The following NUP210L variants were observed in gnomAD, a reference collection of about 807,000 sequenced individuals.
NUP210L encodes nucleoporin 210 like.
Under a neutral mutation model 208.5 loss-of-function variants are expected in NUP210L, and 74 were observed. The observed-to-expected ratio is 0.35, with a 90% CI of 0.29 to 0.43. The LOEUF is 0.43. NUP210L is among the 20% of genes least tolerant of loss of function. The pLI, the probability that NUP210L is intolerant of heterozygous loss-of-function variation, is 1.00. For synonymous variants in NUP210L, 780 were observed against 816.9 expected (o/e 0.95, Z 0.77); for missense variants, 1,843 against 2,289.4 (o/e 0.81, Z 3.98).
chr1:154,088,331 A>C (rs942533090), intron 16 of NUP210L, among the ~76,000 whole-genome samples: 1 of 151,342 alleles, frequency 6.6e-6, no homozygotes, highest in Non-Finnish European at 1.5e-5. Flanking sequence ...CCTGTCTCAA[A>C]AAAAAAAAAA....
At chr1:154,093,916 C>T (rs1172654362) in intron 15 of NUP210L, among the ~76,000 whole-genome samples, 2 of 152,086 alleles carry the variant, frequency 1.3e-5, no homozygotes, top group East Asian at 3.9e-4. Flanking sequence ...TTTGGGAGGC[C>T]AAGGTGGGTG....
In NUP210L at chr1:154,139,788, C is replaced by A. The variant is rs1046386580; in HGVS notation, c.717+14G>T. 1.2e-6 allele frequency: 2 copies of A among 1,606,386 alleles called. No individual in the cohort carries two copies. The highest frequency in any genetic ancestry group is 4.5e-5 in the East Asian group (2 of 44,540). On this transcript the variant is annotated intron_variant, in intron 5 of 39. Transcript: ENST00000368559. ...AAACAAGTAAGGAAAATTTATAGCA[C>A]ACAAACTTTTTACCTTATAGAATGG...
chr1:154,125,578 C>T (rs1657853935), intron 10 of NUP210L, among the ~76,000 whole-genome samples: 1 of 145,524 alleles, frequency 6.9e-6, no homozygotes, highest in South Asian at 2.2e-4. Context: ...GCCATGAGTG[C>T]ACCACTGCAC....
Position 154,135,982 on chromosome 1 carries a change from A to G in NUP210L, c.851-10T>C. On this transcript the variant is annotated splice_polypyrimidine_tract_variant and intron_variant, in intron 6 of 39. Coordinates refer to ENST00000368559, the Ensembl canonical transcript of NUP210L. ...AGGGGAAATTTCACCTCTGTAAGAC[A>G]TGAAAGATACATAAATGTAATGACA... 6 of 1,578,036 alleles carry G rather than the reference A, an allele frequency of 3.8e-6. 1 individual carries two copies. Among genetic ancestry groups the G allele is most frequent in the Non-Finnish European group, 3.5e-6 (4 of 1,147,416 alleles).
intron 2 of NUP210L, among the ~76,000 whole-genome samples, chr1:154,145,411 C>T (rs764930784): frequency 4.6e-5 from 7 of 151,438 alleles, no homozygotes; most frequent in Admixed American, 4.6e-4. Flanking sequence ...GAGCGAGATT[C>T]CGTCTACAAA....
chr1:154,037,963 A>G (rs1652654941), intron 27 of NUP210L, among the ~76,000 whole-genome samples: 1 of 151,906 alleles, frequency 6.6e-6, no homozygotes, highest in Non-Finnish European at 1.5e-5. Flanking sequence ...TTTACATGCA[A>G]TGTTATTATT....
rs371164956 is a variant in NUP210L, at chr1:154,003,075, A to G, written c.4931-1090T>C. ...GCCCAGGCTGGAGTGCAGTGGTGCA[A>G]TTCTACCTCACTGCAGCCTTAAACT... On this transcript the variant is annotated intron_variant, in intron 35 of 39. Coordinates refer to ENST00000368559, the Ensembl canonical transcript of NUP210L. Among the ~76,000 whole-genome samples, 6 of 148,710 alleles carry G rather than the reference A, an allele frequency of 4.0e-5. No homozygotes were observed. The East Asian group carries it at 6.1e-4, about 15-fold the overall frequency.
Position 154,100,160 on chromosome 1 carries a change from ATGATTTT to A in NUP210L, c.1820-24_1820-18del. On this transcript the variant is annotated intron_variant, in intron 13 of 39. Coordinates refer to ENST00000368559, the Ensembl canonical transcript of NUP210L. ...TTTGAATACCTGTGAATCAAAAACCATGATTTTGGCAGGGCGTGGTGGCTCAGGCTTG... is the reference window on the plus strand; with the variant it reads ...TTTGAATACCTGTGAATCAAAAACCAGGCAGGGCGTGGTGGCTCAGGCTTG... 1 of 1,613,376 alleles carries A rather than the reference ATGATTTT, an allele frequency of 6.2e-7. No individual in the cohort carries two copies. The highest frequency in any genetic ancestry group is 8.5e-7 in the Non-Finnish European group (1 of 1,179,470).
At chr1:154,042,636 G>C (rs1037476909) in intron 27 of NUP210L, among the ~76,000 whole-genome samples, 2 of 149,590 alleles carry the variant, frequency 1.3e-5, no homozygotes, top group Non-Finnish European at 3.0e-5. Flanking sequence ...CACCATGTTA[G>C]CCAGGATGGT....
intron 9 of NUP210L, 87 bp downstream of exon 9, chr1:154,127,224 G>C (rs1658028151): frequency 2.0e-6 from 1 of 511,630 alleles, no homozygotes; most frequent in Admixed American, 3.7e-5. Flanking sequence ...AAGAAAGAGG[G>C]CTTTCTAGCC....
chr1:154,025,308 T>C (rs919061243), intron 30 of NUP210L, among the ~76,000 whole-genome samples: 14 of 151,708 alleles, frequency 9.2e-5, no homozygotes, highest in African/African-American at 1.9e-4. Flanking sequence ...TGGCCTCTTA[T>C]AGGTTCATTT....
intron 27 of NUP210L, among the ~76,000 whole-genome samples, chr1:154,037,543 A>G (rs1205211765): frequency 1.3e-5 from 2 of 152,026 alleles, no homozygotes; most frequent in Non-Finnish European, 2.9e-5. Flanking sequence ...ATCTTTTTCC[A>G]TCTCTTTATT....
At chr1:154,107,871 A>G (rs948035257) in intron 12 of NUP210L, among the ~76,000 whole-genome samples, 1 of 152,084 alleles carries the variant, frequency 6.6e-6, no homozygotes, top group African/African-American at 2.4e-5. Flanking sequence ...GCCTCAAAAA[A>G]ATAGAAAAGA....
chr1:154,031,418 T>C (rs1652210957), intron 27 of NUP210L, among the ~76,000 whole-genome samples: 1 of 152,130 alleles, frequency 6.6e-6, no homozygotes, highest in Admixed American at 6.6e-5. Flanking sequence ...CAATAAGTTA[T>C]TGTTGACTGT....
chr1:154,056,449 C>A (rs771568801), intron 23 of NUP210L, among the ~76,000 whole-genome samples: 5 of 152,114 alleles, frequency 3.3e-5, no homozygotes, highest in Admixed American at 6.6e-5. Context: ...GGGTCTCTCT[C>A]TGTCACTCAG....
intron 27 of NUP210L, among the ~76,000 whole-genome samples, chr1:154,043,031 T>G (rs1652979168): frequency 6.7e-6 from 1 of 149,444 alleles, no homozygotes; most frequent in East Asian, 2.0e-4. Flanking sequence ...CTTTTTTTTT[T>G]TTTTTTGAGA....
At chr1:154,018,477 G>C (rs1363279802) in intron 33 of NUP210L, among the ~76,000 whole-genome samples, 1 of 152,122 alleles carries the variant, frequency 6.6e-6, no homozygotes, top group Non-Finnish European at 1.5e-5. Context: ...TGACGGTAAT[G>C]CTGTCCTTTC....
In NUP210L at chr1:154,131,514, TTC is replaced by T. The variant is rs531669282; in HGVS notation, c.1010-2171_1010-2170del. 2.6e-4 allele frequency among the ~76,000 whole-genome samples: 40 copies of T among 152,250 alleles called. No individual in the cohort carries two copies. In the East Asian group the frequency reaches 7.7e-3, roughly 29 times the overall value. Reference sequence around the variant, plus strand: ...CCTTTCTCCCTTATCTCTGCCATCTTTCTCTCTTTAATTAAGAGAAATATTAA... The same window carrying T: ...CCTTTCTCCCTTATCTCTGCCATCTTTCTCTTTAATTAAGAGAAATATTAA... On this transcript the variant is annotated intron_variant, in intron 7 of 39. Transcript: ENST00000368559.
At chr1:154,049,547 C>T (rs189876237) in intron 25 of NUP210L, among the ~76,000 whole-genome samples, 24 of 152,184 alleles carry the variant, frequency 1.6e-4, no homozygotes, top group African/African-American at 5.8e-4. Flanking sequence ...AGAACAATGG[C>T]CGTTAAGTAA....
Sources: allele counts gnomAD v4.1 joint callset (sites outside exome capture counted in the v4.1 genomes callset), GRCh38; gene constraint gnomAD v4.1.1; transcripts MANE v1.5; gene names NCBI Gene and HGNC (gene_info 2026-07-23, HGNC 2026-07-21).